The following BICD1 variants were observed in gnomAD, a reference collection of about 807,000 sequenced individuals.
The protein encoded by BICD1 is protein bicaudal D homolog 1.
BICD1 carries 35 observed loss-of-function variants against 92.5 expected under a neutral mutation model. The ratio of observed to expected loss-of-function variants is 0.38; its 90% CI spans 0.29 to 0.50. The LOEUF is 0.50. BICD1 is among the 20% of genes least tolerant of loss of function. The pLI is 0.93. For missense variants in BICD1, 950 were observed against 1,189.8 expected (o/e 0.80, Z 2.97); for synonymous variants, 429 against 465.1 (o/e 0.92, Z 1.00).
intron 2 of BICD1, among the ~76,000 whole-genome samples, chr12:32,269,809 C>T (rs901302794): frequency 2.0e-5 from 3 of 152,052 alleles, no homozygotes; most frequent in South Asian, 4.1e-4. Flanking sequence ...GGTAATATCT[C>T]GGGTCCCACA....
At chr12:32,322,307 A>G (rs2136246892) in intron 4 of BICD1, among the ~76,000 whole-genome samples, 2 of 152,346 alleles carry the variant, frequency 1.3e-5, no homozygotes, top group Middle Eastern at 3.4e-3. Flanking sequence ...CGTATTAAAT[A>G]TAGAAAGTAG....
At chr12:32,296,400 T>G (rs781057990) in intron 3 of BICD1, among the ~76,000 whole-genome samples, 16 of 151,618 alleles carry the variant, frequency 1.1e-4, no homozygotes, top group East Asian at 5.9e-4. Flanking sequence ...TGGGACTACA[T>G]GCATGTATCA....
At chr12:32,370,769 G>A (rs1939709015) in intron 9 of BICD1, among the ~76,000 whole-genome samples, 1 of 152,230 alleles carries the variant, frequency 6.6e-6, no homozygotes, top group African/African-American at 2.4e-5. Flanking sequence ...TGTCTGCTCA[G>A]TATCTGTTAT....
In BICD1 at chr12:32,353,744, T is replaced by C. The variant is rs1243102052; in HGVS notation, c.2765-13926T>C. On this transcript the variant is annotated intron_variant, in intron 8 of 9. Coordinates refer to ENST00000652176, the MANE Select transcript of BICD1 (RefSeq NM_001714.4). ...TCTTTTGTTTCTTTTTGATGATGCATCAATTCTGACATTTCAAAGGTACAG... is the reference window on the plus strand; with the variant it reads ...TCTTTTGTTTCTTTTTGATGATGCACCAATTCTGACATTTCAAAGGTACAG... 5 of 152,188 alleles carry C rather than the reference T, an allele frequency of 3.3e-5. No individual in the cohort carries two copies. The East Asian group carries it at 9.6e-4, about 29-fold the overall frequency. 9.4% of individuals were successfully genotyped at this position (152,188 alleles called of 1,614,324 possible).
chr12:32,116,480 CTCTCTCTCTCTT>C (rs58777075), intron 1 of BICD1, among the ~76,000 whole-genome samples: 2,262 of 112,730 alleles, frequency 0.02, 20 homozygotes, highest in African/African-American at 0.046. Flanking sequence ...CTCTCTCTCT[CTCTCTCTCTCTT>C]TCTCTCTCTC....
rs538561931 is a variant in BICD1 at position 32,248,315 on chromosome 12, A to G, written c.426+31856A>G. Among the ~76,000 whole-genome samples the G allele has an allele frequency of 3.9e-5, 6 of 152,272 alleles. No homozygotes were observed. In the East Asian group the frequency reaches 1.2e-3, roughly 29 times the overall value. On this transcript the variant is annotated intron_variant, in intron 2 of 9. Coordinates refer to ENST00000652176, the MANE Select transcript of BICD1 (RefSeq NM_001714.4). Reference sequence around the variant, plus strand: ...AAGGTCTGATGAGAGTAGGCTGAAGAGCAAATGTGGAGAAACAGAGATGGC... The same window carrying G: ...AAGGTCTGATGAGAGTAGGCTGAAGGGCAAATGTGGAGAAACAGAGATGGC...
At chr12:32,132,775 C>T (rs1017035593) in intron 1 of BICD1, among the ~76,000 whole-genome samples, 3 of 152,110 alleles carry the variant, frequency 2.0e-5, no homozygotes, top group Admixed American at 1.3e-4. Flanking sequence ...TATTTTAAGC[C>T]GCCTGAGTGA....
chr12:32,251,979 CTA>C (rs200835973), intron 2 of BICD1, among the ~76,000 whole-genome samples: 8 of 46,044 alleles, frequency 1.7e-4, no homozygotes, highest in African/African-American at 8.4e-4. Flanking sequence ...AACTTTACCA[CTA>C]TATATATAAT....
chr12:32,255,702 C>T (rs1459587617), intron 2 of BICD1, among the ~76,000 whole-genome samples: 6 of 152,152 alleles, frequency 3.9e-5, no homozygotes, highest in Admixed American at 2.6e-4. Flanking sequence ...TCTGGCTGTT[C>T]ATTCTCCTTG....
chr12:32,233,380 A>AT (rs1450225425), intron 2 of BICD1, among the ~76,000 whole-genome samples: 1 of 150,750 alleles, frequency 6.6e-6, no homozygotes, highest in African/African-American at 2.4e-5. Flanking sequence ...TTTCAAGGTC[A>AT]TTACATTTTT....
At chr12:32,327,319 A>G in intron 4 of BICD1, 142 bp from the exon 5 acceptor site, 1 of 1,043,062 alleles carries the variant, frequency 9.6e-7, no homozygotes, top group Non-Finnish European at 1.4e-6. Context: ...GAAATAAAAA[A>G]CACTCCAATT....
chr12:32,195,445 G>T (rs1335853831), intron 1 of BICD1, among the ~76,000 whole-genome samples: 1 of 152,134 alleles, frequency 6.6e-6, no homozygotes, highest in East Asian at 1.9e-4. Flanking sequence ...AGGGTCACTG[G>T]GACAGAATAG....
intron 5 of BICD1, among the ~76,000 whole-genome samples, chr12:32,331,331 C>A (rs1247368640): frequency 6.6e-6 from 1 of 152,104 alleles, no homozygotes; most frequent in Admixed American, 6.5e-5. Context: ...CAAGACAGGA[C>A]TTATCAAGCA....
chr12:32,349,961 T>A (rs1487800352), intron 8 of BICD1, among the ~76,000 whole-genome samples: 2 of 152,214 alleles, frequency 1.3e-5, no homozygotes, highest in African/African-American at 4.8e-5. Context: ...CTGATTTAAT[T>A]CTGGAATGTC....
chr12:32,367,118 T>C (rs1451997964), intron 8 of BICD1, among the ~76,000 whole-genome samples: 1 of 152,234 alleles, frequency 6.6e-6, no homozygotes, highest in Admixed American at 6.5e-5. Context: ...TGTCAATATA[T>C]AAAATCAATT....
At chr12:32,309,828 G>A (rs1948327621) in intron 4 of BICD1, among the ~76,000 whole-genome samples, 1 of 152,062 alleles carries the variant, frequency 6.6e-6, no homozygotes, top group Admixed American at 6.6e-5. Context: ...TGTGCACAAT[G>A]TGCAGGTTTG....
rs1179578857 is a variant in BICD1, at chr12:32,221,036, T to C, written c.426+4577T>C. On this transcript the variant is annotated intron_variant, in intron 2 of 9. Coordinates refer to ENST00000652176, the MANE Select transcript of BICD1 (RefSeq NM_001714.4). Reference sequence around the variant, plus strand: ...GCATATTCTCACTCATAGGTGGGAATTGAACAATGAGAACACATGGACACA... The same window carrying C: ...GCATATTCTCACTCATAGGTGGGAACTGAACAATGAGAACACATGGACACA... Among the ~76,000 whole-genome samples, 19 of 136,906 alleles carry C rather than the reference T, an allele frequency of 1.4e-4. No homozygotes were observed. In the South Asian group the frequency reaches 3.9e-3, roughly 28 times the overall value. 89.8% of individuals were successfully genotyped at this position (136,906 alleles called of 152,430 possible). A position where few individuals can be genotyped will look rare whatever the true frequency, so the allele number is the denominator to read the frequency against.
intron 2 of BICD1, among the ~76,000 whole-genome samples, chr12:32,234,077 T>C (rs1461323205): frequency 2.6e-5 from 4 of 152,212 alleles, no homozygotes; most frequent in Admixed American, 2.6e-4. Flanking sequence ...ACAAAAATAT[T>C]TTTAAAAACA....
At chr12:32,240,342 A>C (rs556303720) in intron 2 of BICD1, among the ~76,000 whole-genome samples, 8 of 151,934 alleles carry the variant, frequency 5.3e-5, no homozygotes, top group African/African-American at 1.9e-4. Flanking sequence ...GTCAAGGTGT[A>C]GGGCCATACC....
Sources: gnomAD v4.1 joint callset for allele counts (sites outside exome capture counted in the v4.1 genomes callset) on GRCh38, gnomAD v4.1.1 for gene constraint, MANE v1.5 for transcripts, NCBI Gene and HGNC (gene_info 2026-07-23, HGNC 2026-07-21) for gene names.